Variants in MYH15 observed in about 807,000 individuals in gnomAD.
MYH15 encodes the protein myosin-15.
A neutral mutation model predicts 240.5 loss-of-function variants in MYH15; 227 were observed. The observed-to-expected ratio is 0.94, with a 90% confidence interval of 0.85 to 1.05. MYH15 has a LOEUF of 1.05. Among genes scored for constraint, MYH15 ranks in the 50% least tolerant of loss-of-function variants. MYH15 has a pLI of 0.00. For missense variants in MYH15, 2,217 were observed against 2,247.5 expected (o/e 0.99, Z 0.27); for synonymous variants, 785 against 796.7 (o/e 0.99, Z 0.25).
chr3:108,414,858 T>G (rs962799161), intron 29 of MYH15, among the ~76,000 whole-genome samples: 1 of 152,220 alleles, frequency 6.6e-6, no homozygotes, highest in Non-Finnish European at 1.5e-5. Flanking sequence ...ATAAAATCTT[T>G]TATTTCACAC....
At chr3:108,412,130 G>T (rs967438419) in intron 30 of MYH15, among the ~76,000 whole-genome samples, 50 of 152,294 alleles carry the variant, frequency 3.3e-4, no homozygotes, top group Non-Finnish European at 6.2e-4. Context: ...GGACTGAGGG[G>T]TTTCACCAGG....
chr3:108,498,122 G>C lies in MYH15; in HGVS notation c.548C>G (p.Thr183Ser), dbSNP rs747461461. 1.2e-6 allele frequency: 2 copies of C among 1,614,064 alleles called. No individual in the cohort carries two copies. The highest frequency in any genetic ancestry group is 2.2e-5 in the South Asian group (2 of 91,084). The change falls in exon 6 of 41, where the codon ACT becomes AGT. Residue 183 changes from threonine (T) to serine (S), a missense_variant. By Grantham distance (58) the Thr-to-Ser change is moderately conservative (BLOSUM62 1). Transcript: ENST00000693548. ...LFTGESGAGK[T>S]VNSKHIIQYF... ...CTGGATAATATGTTTGCTGTTCACA[G>C]TCTTTCCAGCACCAGATTCTCCTCT...
intron 1 of MYH15, among the ~76,000 whole-genome samples, chr3:108,506,128 T>C (rs982130840): frequency 2.6e-5 from 4 of 152,080 alleles, no homozygotes; most frequent in African/African-American, 7.2e-5. Context: ...TTTCCTCCAC[T>C]CACACCCCAG....
chr3:108,418,385 A>G (rs1576221185), intron 28 of MYH15, among the ~76,000 whole-genome samples: 4 of 152,384 alleles, frequency 2.6e-5, no homozygotes, highest in Non-Finnish European at 5.9e-5. Flanking sequence ...AACCGTGAGT[A>G]CATATTAGCG....
chr3:108,437,131 G>C (rs943169363), intron 25 of MYH15, among the ~76,000 whole-genome samples: 4 of 150,874 alleles, frequency 2.7e-5, no homozygotes, highest in African/African-American at 9.7e-5. Context: ...GTTATGTCTG[G>C]CAAACATATA....
the MYH15 span, among the ~76,000 whole-genome samples, chr3:108,545,869 A>G: frequency 6.6e-6 from 1 of 152,238 alleles, no homozygotes; most frequent in East Asian, 1.9e-4. Context: ...TTACTCCATG[A>G]CTGTACCTTA....
At chr3:108,407,940 C>A (rs1385353309) in intron 32 of MYH15, among the ~76,000 whole-genome samples, 1 of 152,150 alleles carries the variant, frequency 6.6e-6, no homozygotes, top group Non-Finnish European at 1.5e-5. Context: ...TTCTAACAGC[C>A]TCCCAAGCGA....
chr3:108,445,579 GA>G (rs926300869), intron 21 of MYH15, among the ~76,000 whole-genome samples: 88 of 149,574 alleles, frequency 5.9e-4, no homozygotes, highest in South Asian at 4.0e-3. Flanking sequence ...AAATTACACT[GA>G]AAAAAAAATA....
At chr3:108,468,059 A>G (rs1008066386) in intron 14 of MYH15, among the ~76,000 whole-genome samples, 8 of 151,164 alleles carry the variant, frequency 5.3e-5, no homozygotes, top group Admixed American at 1.3e-4. Flanking sequence ...TCCACCTCCC[A>G]GGTTCTAGCT....
chr3:108,545,715 A>C, the MYH15 span, among the ~76,000 whole-genome samples: 1 of 151,860 alleles, frequency 6.6e-6, no homozygotes, highest in Non-Finnish European at 1.5e-5. Context: ...ACACACACAC[A>C]CAAACAAATC....
intron 28 of MYH15, among the ~76,000 whole-genome samples, chr3:108,417,133 C>G (rs1020746553): frequency 6.6e-6 from 1 of 152,126 alleles, no homozygotes; most frequent in African/African-American, 2.4e-5. Flanking sequence ...TAAAAATGAG[C>G]TGATTTTTAG....
intron 40 of MYH15, among the ~76,000 whole-genome samples, chr3:108,381,810 G>A (rs907423771): frequency 6.6e-6 from 1 of 152,200 alleles, no homozygotes; most frequent in African/African-American, 2.4e-5. Flanking sequence ...TGAAGGCAGC[G>A]CCCCCCTTTG....
At chr3:108,398,063 T>A (rs1229399597) in intron 35 of MYH15, among the ~76,000 whole-genome samples, 3 of 152,202 alleles carry the variant, frequency 2.0e-5, no homozygotes, top group African/African-American at 7.2e-5. Context: ...AATAGGGTCT[T>A]ATTTTGTTTA....
chr3:108,459,322 C>T (rs1560388612), intron 18 of MYH15, 40 bp downstream of exon 18: 2 of 1,286,658 alleles, frequency 1.6e-6, no homozygotes, highest in South Asian at 1.3e-5. Context: ...AATATCAAAT[C>T]TATTTCCTAG....
intron 5 of MYH15, among the ~76,000 whole-genome samples, chr3:108,499,055 A>C (rs1406352623): frequency 6.6e-6 from 1 of 152,168 alleles, no homozygotes; most frequent in Non-Finnish European, 1.5e-5. Context: ...GACCTGCCCC[A>C]ATCTGGCTGC....
chr3:108,532,457 T>C (rs2083718112), upstream of MYH15, among the ~76,000 whole-genome samples: 1 of 152,238 alleles, frequency 6.6e-6, no homozygotes, highest in African/African-American at 2.4e-5. Flanking sequence ...CTTGAGTCTC[T>C]ATTCTTCCAG....
chr3:108,452,596 T>C (rs1046789123), intron 21 of MYH15, among the ~76,000 whole-genome samples: 2 of 152,148 alleles, frequency 1.3e-5, no homozygotes. Context: ...ATTATTTACA[T>C]GAAGACTAAG....
chr3:108,533,908 G>A (rs568448316), upstream of MYH15, among the ~76,000 whole-genome samples: 22 of 152,286 alleles, frequency 1.4e-4, no homozygotes, highest in African/African-American at 5.3e-4. Context: ...TAAAAGCTAG[G>A]ACTGACCTGA....
chr3:108,462,224 A>G (rs13067035), intron 16 of MYH15, among the ~76,000 whole-genome samples: 17,543 of 152,052 alleles, frequency 0.12, 1,279 homozygotes, highest in African/African-American at 0.2. Context: ...GCTGGTGTTA[A>G]CAACTTTGGC....
Sources: allele counts gnomAD v4.1 joint callset (sites outside exome capture counted in the v4.1 genomes callset), GRCh38; gene constraint gnomAD v4.1.1; transcripts MANE v1.5; gene names NCBI Gene and HGNC (gene_info 2026-07-23, HGNC 2026-07-21).